The following MALRD1 variants were observed in gnomAD, a reference collection of about 807,000 sequenced individuals.
The protein encoded by MALRD1 is MAM and LDL receptor class A domain containing 1, also known as MAM and LDL-receptor class A domain-containing protein 1.
MALRD1 carries 247 observed loss-of-function variants against 242.1 expected under a neutral mutation model. The ratio of observed to expected loss-of-function variants is 1.02; its 90% confidence interval spans 0.92 to 1.13. The LOEUF (loss-of-function observed/expected upper bound fraction) is 1.13. MALRD1 is among the 50% of genes most tolerant of loss of function. The pLI, the probability that MALRD1 is intolerant of heterozygous loss-of-function variation, is 0.00. For synonymous variants in MALRD1, 995 were observed against 866.6 expected (o/e 1.15, Z -2.60); for missense variants, 2,989 against 2,533.1 (o/e 1.18, Z -3.86).
At chr10:19,596,782 AGAAG>A (rs1838121166) in intron 34 of MALRD1, among the ~76,000 whole-genome samples, 1 of 150,474 alleles carries the variant, frequency 6.6e-6, no homozygotes, top group Non-Finnish European at 1.5e-5. Context: ...AGAGAAAGAG[AGAAG>A]GAAGGAAGAG....
intron 32 of MALRD1, among the ~76,000 whole-genome samples, chr10:19,548,449 G>A (rs912001637): frequency 6.6e-6 from 1 of 151,860 alleles, no homozygotes. Context: ...AAAATTAATT[G>A]CACGCTTCTA....
chr10:19,170,209 G>C (rs1834864288), intron 13 of MALRD1, among the ~76,000 whole-genome samples: 1 of 152,168 alleles, frequency 6.6e-6, no homozygotes, highest in Non-Finnish European at 1.5e-5. Flanking sequence ...AGGTCAAAGA[G>C]TTAATAGCAT....
rs182326447 is a variant in MALRD1, at chr10:19,231,006, C to G, written c.2991+21326C>G. Reference sequence around the variant, plus strand: ...TTTATGTGTGACCCAAATCCTCCCTCAAAACTGAAGTTTGCCTAGCTATTG... The same window carrying G: ...TTTATGTGTGACCCAAATCCTCCCTGAAAACTGAAGTTTGCCTAGCTATTG... On this transcript the variant is annotated intron_variant, in intron 18 of 39. Coordinates refer to ENST00000454679, the MANE Select transcript of MALRD1 (RefSeq NM_001142308.3). Among the ~76,000 whole-genome samples, 10 of 152,256 alleles carry G rather than the reference C, an allele frequency of 6.6e-5. No homozygotes were observed. The East Asian group carries it at 1.9e-3, about 29-fold the overall frequency.
At chr10:19,487,611 A>G (rs545022609) in intron 29 of MALRD1, among the ~76,000 whole-genome samples, 1 of 151,750 alleles carries the variant, frequency 6.6e-6, no homozygotes, top group Admixed American at 6.6e-5. Flanking sequence ...ATGGCTTTAC[A>G]TCCTATGGCA....
At chr10:19,250,864 G>A (rs1019695583) in intron 18 of MALRD1, among the ~76,000 whole-genome samples, 1 of 151,814 alleles carries the variant, frequency 6.6e-6, no homozygotes, top group Non-Finnish European at 1.5e-5. Flanking sequence ...CACTCAACAA[G>A]ATTAGCAGAA....
intron 29 of MALRD1, among the ~76,000 whole-genome samples, chr10:19,476,288 T>C (rs1410923698): frequency 1.3e-5 from 2 of 152,162 alleles, no homozygotes; most frequent in East Asian, 1.9e-4. Flanking sequence ...CCAAATGGAA[T>C]AGTCCTGTTA....
intron 30 of MALRD1, among the ~76,000 whole-genome samples, chr10:19,492,531 T>G (rs1837537733): frequency 6.6e-6 from 1 of 152,192 alleles, no homozygotes; most frequent in African/African-American, 2.4e-5. Context: ...GGTCTCTCTG[T>G]CTTACTAGAG....
intron 26 of MALRD1, among the ~76,000 whole-genome samples, chr10:19,368,638 T>C (rs1292699285): frequency 6.6e-6 from 1 of 152,026 alleles, no homozygotes; most frequent in African/African-American, 2.4e-5. Context: ...AAGGTTTTTT[T>C]ATATCTGTGA....
chr10:19,516,406 G>A (rs1374186777), intron 31 of MALRD1, among the ~76,000 whole-genome samples: 1 of 152,022 alleles, frequency 6.6e-6, no homozygotes, highest in African/African-American at 2.4e-5. Flanking sequence ...AATATATACA[G>A]AGAAACATTT....
intron 24 of MALRD1, among the ~76,000 whole-genome samples, chr10:19,338,894 T>G (rs183970559): frequency 1.3e-5 from 2 of 149,920 alleles, no homozygotes; most frequent in Non-Finnish European, 3.0e-5. Context: ...CGCACATATA[T>G]ACATATATTA....
intron 31 of MALRD1, among the ~76,000 whole-genome samples, chr10:19,530,385 T>TTAATATAA (rs1564417186): frequency 1.2e-5 from 1 of 85,284 alleles, no homozygotes; most frequent in Non-Finnish European, 2.1e-5. Context: ...ATAAATATTA[T>TTAATATAA]ATATTTATAT....
chr10:19,204,034 G>T (rs1019448219), intron 15 of MALRD1, among the ~76,000 whole-genome samples, 154 bp downstream of exon 15: 1 of 152,186 alleles, frequency 6.6e-6, no homozygotes, highest in African/African-American at 2.4e-5. Context: ...TGCATGGACT[G>T]ATTCCTTTAT....
intron 2 of MALRD1, among the ~76,000 whole-genome samples, chr10:19,076,860 T>C (rs1298706753): frequency 6.6e-6 from 1 of 151,982 alleles, no homozygotes; most frequent in East Asian, 1.9e-4. Context: ...AGGAATTGCA[T>C]TGAATTGGTA....
chr10:19,574,541 A>C (rs1449051085), intron 33 of MALRD1, among the ~76,000 whole-genome samples: 1 of 152,182 alleles, frequency 6.6e-6, no homozygotes, highest in African/African-American at 2.4e-5. Context: ...AATTTTGTGA[A>C]TAGTCTAGCA....
intron 18 of MALRD1, among the ~76,000 whole-genome samples, chr10:19,254,845 G>A (rs887659184): frequency 1.3e-5 from 2 of 151,862 alleles, no homozygotes; most frequent in African/African-American, 4.8e-5. Context: ...ACAAATACAT[G>A]ATGGCTAAAG....
At chr10:19,696,751 TAA>T (rs754208733) in intron 38 of MALRD1, among the ~76,000 whole-genome samples, 4 of 140,650 alleles carry the variant, frequency 2.8e-5, no homozygotes, top group Non-Finnish European at 3.1e-5. Flanking sequence ...TGCCCAAAAT[TAA>T]AAAAAAAAAA....
At chr10:19,431,057 C>A (rs1430926275) in intron 28 of MALRD1, among the ~76,000 whole-genome samples, 2 of 152,116 alleles carry the variant, frequency 1.3e-5, no homozygotes, top group Admixed American at 1.3e-4. Flanking sequence ...AGGTTTGTTA[C>A]ATAGATAAAT....
intron 29 of MALRD1, among the ~76,000 whole-genome samples, chr10:19,453,706 A>C (rs1010549126): frequency 2.0e-5 from 3 of 151,520 alleles, no homozygotes; most frequent in Non-Finnish European, 2.9e-5. Context: ...TGAAACTCCA[A>C]CTCTACTAAA....
At chr10:19,598,253 G>T (rs535157501) in intron 34 of MALRD1, 9 of 152,174 alleles carry the variant, frequency 5.9e-5, no homozygotes, top group African/African-American at 2.2e-4. Flanking sequence ...TTCCAAGACT[G>T]TGCTTTCAGG....
Sources: allele counts gnomAD v4.1 joint callset (sites outside exome capture counted in the v4.1 genomes callset), GRCh38; gene constraint gnomAD v4.1.1; transcripts MANE v1.5; gene names NCBI Gene and HGNC (gene_info 2026-07-23, HGNC 2026-07-21).